The following NRG1 variants were observed in gnomAD, a reference collection of about 807,000 sequenced individuals.
NRG1 encodes the protein neuregulin 1, also known as pro-neuregulin-1, membrane-bound isoform.
Under a neutral mutation model 63.8 loss-of-function variants are expected in NRG1, and 18 were observed. The observed-to-expected ratio is 0.28, with a 90% CI of 0.19 to 0.42. The LOEUF is 0.42. Ranked by LOEUF, NRG1 falls within the 10% of genes least tolerant of loss-of-function variation. NRG1 has a pLI of 1.00. For synonymous variants in NRG1, 302 were observed against 301.3 expected (o/e 1.00, Z -0.02); for missense variants, 762 against 814.7 (o/e 0.94, Z 0.79).
At chr8:32,172,671 G>C (rs1175159013) in intron 1 of NRG1, among the ~76,000 whole-genome samples, 1 of 152,160 alleles carries the variant, frequency 6.6e-6, no homozygotes, top group East Asian at 1.9e-4. Context: ...GAAAACCAAG[G>C]CACGAGAACT....
At chr8:32,306,630 A>T (rs914949564) in intron 1 of NRG1, among the ~76,000 whole-genome samples, 1 of 152,216 alleles carries the variant, frequency 6.6e-6, no homozygotes, top group African/African-American at 2.4e-5. Context: ...TCTCCATTTA[A>T]TTATGAATCT....
intron 1 of NRG1, among the ~76,000 whole-genome samples, chr8:32,495,335 A>G (rs560686635): frequency 4.5e-4 from 69 of 152,298 alleles, no homozygotes; most frequent in African/African-American, 1.6e-3. Flanking sequence ...CTTGCCTGCC[A>G]CCATGTAAGA....
intron 1 of NRG1, among the ~76,000 whole-genome samples, chr8:32,442,154 GA>G (rs1447156127): frequency 6.6e-6 from 1 of 152,090 alleles, no homozygotes; most frequent in African/African-American, 2.4e-5. Context: ...TATCATCTGG[GA>G]GAACACACAG....
At chr8:32,410,138 C>G (rs1424788401) in intron 1 of NRG1, among the ~76,000 whole-genome samples, 1 of 151,704 alleles carries the variant, frequency 6.6e-6, no homozygotes, top group Non-Finnish European at 1.5e-5. Flanking sequence ...CAGTGATTCA[C>G]CCCCATTCCT....
upstream of NRG1, among the ~76,000 whole-genome samples, chr8:32,545,251 G>A (rs7817942): frequency 2.0e-5 from 3 of 147,274 alleles, no homozygotes; most frequent in Admixed American, 6.6e-5. Context: ...ACACGATTGC[G>A]TTTCTCTTAC....
chr8:32,217,624 G>A (rs946727658), intron 1 of NRG1, among the ~76,000 whole-genome samples: 1 of 152,178 alleles, frequency 6.6e-6, no homozygotes, highest in Non-Finnish European at 1.5e-5. Context: ...GAAATTACCA[G>A]TAGGGAAGAA....
At chr8:32,166,990 C>CTAGT (rs1480664971) in intron 1 of NRG1, among the ~76,000 whole-genome samples, 1 of 152,132 alleles carries the variant, frequency 6.6e-6, no homozygotes, top group Non-Finnish European at 1.5e-5. Context: ...TCTTTATCTT[C>CTAGT]TAGTTAGGTC....
chr8:31,953,704 G>A (rs192753300), intron 1 of NRG1, among the ~76,000 whole-genome samples: 2 of 152,064 alleles, frequency 1.3e-5, no homozygotes, highest in Non-Finnish European at 2.9e-5. Context: ...GATATTTTTC[G>A]CAAATAAGGC....
intron 1 of NRG1, among the ~76,000 whole-genome samples, chr8:32,412,539 CA>C (rs1815254195): frequency 6.8e-6 from 1 of 146,806 alleles, no homozygotes; most frequent in Non-Finnish European, 1.5e-5. Context: ...AGTTATGTGT[CA>C]CTTAACAATA....
chr8:32,312,581 G>A (rs2129476036), intron 1 of NRG1, among the ~76,000 whole-genome samples: 1 of 152,130 alleles, frequency 6.6e-6, no homozygotes, highest in South Asian at 2.1e-4. Context: ...TGAGGTTTGT[G>A]CCATTTGCTC....
At chr8:32,773,797 C>T (rs1018482079) in intron 7 of NRG1, among the ~76,000 whole-genome samples, 33 of 152,158 alleles carry the variant, frequency 2.2e-4, no homozygotes, top group Admixed American at 1.8e-3. Flanking sequence ...TGGCTCCCCA[C>T]CTGACATAGG....
At chr8:32,565,872 C>G (rs1296645968) in intron 1 of NRG1, among the ~76,000 whole-genome samples, 4 of 152,220 alleles carry the variant, frequency 2.6e-5, no homozygotes, top group African/African-American at 9.6e-5. Flanking sequence ...TAAAAATTAT[C>G]TGTGTCATTC....
intron 1 of NRG1, among the ~76,000 whole-genome samples, chr8:32,131,183 A>G (rs980816585): frequency 1.3e-5 from 2 of 152,020 alleles, no homozygotes; most frequent in African/African-American, 4.8e-5. Context: ...TTTGCTGGGC[A>G]TGGTTCCCAG....
At chr8:32,667,864 A>G (rs942674622) in intron 5 of NRG1, among the ~76,000 whole-genome samples, 2 of 152,170 alleles carry the variant, frequency 1.3e-5, no homozygotes, top group African/African-American at 2.4e-5. Context: ...ACATTTTTCC[A>G]TAGATAACGA....
chr8:32,474,114 G>A (rs2129491215), intron 1 of NRG1, among the ~76,000 whole-genome samples: 1 of 152,216 alleles, frequency 6.6e-6, no homozygotes, highest in Non-Finnish European at 1.5e-5. Flanking sequence ...TATATTTGTG[G>A]CAGAGTACAG....
At chr8:32,253,554 G>A (rs1849357361) in intron 1 of NRG1, among the ~76,000 whole-genome samples, 1 of 152,196 alleles carries the variant, frequency 6.6e-6, no homozygotes. Flanking sequence ...CTTGATCGTG[G>A]TGGATAAGCT....
intron 1 of NRG1, among the ~76,000 whole-genome samples, chr8:32,574,767 T>C (rs1839296583): frequency 6.6e-6 from 1 of 152,220 alleles, no homozygotes; most frequent in African/African-American, 2.4e-5. Context: ...GTTAAACCTC[T>C]TTTCTTGATA....
intron 1 of NRG1, among the ~76,000 whole-genome samples, chr8:32,268,976 CT>C (rs1159474448): frequency 6.6e-6 from 1 of 152,126 alleles, no homozygotes; most frequent in Non-Finnish European, 1.5e-5. Context: ...ACTAACTTAG[CT>C]CACAAGATGA....
intron 1 of NRG1, among the ~76,000 whole-genome samples, chr8:32,226,235 G>A (rs568403723): frequency 2.6e-5 from 4 of 152,072 alleles, no homozygotes; most frequent in Non-Finnish European, 4.4e-5. Flanking sequence ...CAATATTTCC[G>A]GCTCTTGATA....
Sources: gnomAD v4.1 joint callset for allele counts (sites outside exome capture counted in the v4.1 genomes callset) on GRCh38, gnomAD v4.1.1 for gene constraint, MANE v1.5 for transcripts, NCBI Gene and HGNC (gene_info 2026-07-23, HGNC 2026-07-21) for gene names.